Variants in LRRFIP2 observed in about 807,000 individuals in gnomAD.
The protein encoded by LRRFIP2 is leucine-rich repeat flightless-interacting protein 2.
A neutral mutation model predicts 125.9 loss-of-function variants in LRRFIP2; 109 were observed. That is an observed-to-expected ratio of 0.87 (90% CI 0.74 to 1.01). LRRFIP2 has a LOEUF of 1.01. Ranked by LOEUF, LRRFIP2 falls within the 50% of genes least tolerant of loss-of-function variation. LRRFIP2 has a pLI of 0.00. For missense variants in LRRFIP2, 850 were observed against 862.3 expected, an observed-to-expected ratio of 0.99 and a Z score of 0.18; for synonymous variants, 291 against 293.1, an observed-to-expected ratio of 0.99 and a Z score of 0.07.
intron 21 of LRRFIP2, chr3:37,068,054 T>A (rs1456328032): frequency 1.3e-5 from 2 of 152,216 alleles, no homozygotes; most frequent in Non-Finnish European, 2.9e-5. Context: ...ATATGATGTG[T>A]CTCAAGTCTG....
chr3:37,135,013 C>A, intron 2 of LRRFIP2: 1 of 1,515,312 alleles, frequency 6.6e-7, no homozygotes, highest in South Asian at 1.1e-5. Flanking sequence ...CAGATGACCC[C>A]CTAGTGCCAG....
At position 37,058,821 on chromosome 3, in the gene LRRFIP2, A is replaced by G; in HGVS notation, c.1839T>C (p.Asn613=). ...TTTCGATGAACTGCAAGTCTGAGCCATTCTGCAGTCCTGCCAGGTCACCCA... is the reference window on the plus strand; with the variant it reads ...TTTCGATGAACTGCAAGTCTGAGCCGTTCTGCAGTCCTGCCAGGTCACCCA... ...GTVGDLAGLQ[N]GSDLQFIEMQ... Residue 613 remains asparagine, a synonymous_variant, in exon 25 of 28, where the codon AAT becomes AAC. Coordinates refer to ENST00000336686, the MANE Select transcript of LRRFIP2 (RefSeq NM_006309.4). 6.2e-7 allele frequency: 1 copy of G among 1,614,128 alleles called. No individual in the cohort carries two copies. The highest frequency in any genetic ancestry group is 8.5e-7 in the Non-Finnish European group (1 of 1,180,000).
intron 18 of LRRFIP2, among the ~76,000 whole-genome samples, chr3:37,084,591 A>G (rs994194370): frequency 5.3e-5 from 8 of 152,164 alleles, no homozygotes; most frequent in African/African-American, 1.9e-4. Flanking sequence ...GATTGAGCCC[A>G]GGAGGTCAAG....
intron 18 of LRRFIP2, among the ~76,000 whole-genome samples, chr3:37,089,762 ACT>A (rs1273651209): frequency 6.6e-6 from 1 of 151,868 alleles, no homozygotes; most frequent in Non-Finnish European, 1.5e-5. Flanking sequence ...TTCCTGATAC[ACT>A]GTTACACATG....
At chr3:37,165,801 G>GAAAGAAAA (rs796717902) in intron 1 of LRRFIP2, among the ~76,000 whole-genome samples, 14,429 of 69,048 alleles carry the variant, frequency 0.21, 1,428 homozygotes, top group African/African-American at 0.28. Context: ...GAAAGAGAAA[G>GAAAGAAAA]AAAGAAAGAA....
At chr3:37,080,279 C>T (rs1041257819) in intron 19 of LRRFIP2, among the ~76,000 whole-genome samples, 1 of 151,930 alleles carries the variant, frequency 6.6e-6, no homozygotes, top group Admixed American at 6.6e-5. Context: ...GCCTGTAATC[C>T]CAGCTACTCA....
At chr3:37,054,972 A>G in intron 26 of LRRFIP2, 114 bp downstream of exon 26, 1 of 688,614 alleles carries the variant, frequency 1.5e-6, no homozygotes, top group Non-Finnish European at 2.5e-6. Flanking sequence ...TTCTATTTTA[A>G]TACAGAACTA....
intron 25 of LRRFIP2, among the ~76,000 whole-genome samples, chr3:37,055,786 T>C (rs901703314): frequency 6.6e-6 from 1 of 152,158 alleles, no homozygotes; most frequent in Non-Finnish European, 1.5e-5. Context: ...CTACCAACCC[T>C]GTGTGTAACC....
At chr3:37,173,228 A>T (rs1433256746) in intron 1 of LRRFIP2, among the ~76,000 whole-genome samples, 1 of 151,566 alleles carries the variant, frequency 6.6e-6, no homozygotes, top group Non-Finnish European at 1.5e-5. Context: ...TCATTTATTT[A>T]TTCTTGAGAC....
At chr3:37,155,755 T>G (rs1297085320) in intron 1 of LRRFIP2, among the ~76,000 whole-genome samples, 1 of 152,160 alleles carries the variant, frequency 6.6e-6, no homozygotes. Context: ...ATATTTAGGG[T>G]TGAAGTGTAC....
intron 19 of LRRFIP2, among the ~76,000 whole-genome samples, chr3:37,076,635 G>A (rs969969925): frequency 3.9e-5 from 6 of 152,176 alleles, no homozygotes; most frequent in Non-Finnish European, 7.4e-5. Context: ...GGGAGGCCGA[G>A]GTGGGCGGAT....
chr3:37,096,155 T>C (rs565317834), intron 16 of LRRFIP2, among the ~76,000 whole-genome samples: 9 of 152,308 alleles, frequency 5.9e-5, no homozygotes, highest in Admixed American at 2.0e-4. Context: ...ATAAAATTAA[T>C]CTTGATAAAT....
chr3:37,069,927 G>C (rs1268225346), intron 21 of LRRFIP2, among the ~76,000 whole-genome samples: 1 of 152,038 alleles, frequency 6.6e-6, no homozygotes, highest in Non-Finnish European at 1.5e-5. Context: ...GGGAGGGGAA[G>C]GGGAGATTAA....
In LRRFIP2 at chr3:37,066,272, C is replaced by T. The variant is rs751153342; in HGVS notation, c.1518G>A (p.Met506Ile). 7 of 1,614,182 alleles carry T rather than the reference C, an allele frequency of 4.3e-6. No homozygotes were observed. The highest frequency in any genetic ancestry group is 5.9e-6 in the Non-Finnish European group (7 of 1,180,002). Reference protein sequence around the residue: ...YIACLRNERDMLREELADLQE... With the variant: ...YIACLRNERDILREELADLQE... ...GCAGGTCAGCCAGCTCCTCTCTGAG[C>T]ATATCTCGCTCATTCCTAAGGCAGG... The change falls in exon 22 of 28, where the codon ATG becomes ATA. Residue 506 changes from methionine to isoleucine, a missense_variant. Coordinates refer to ENST00000336686, the MANE Select transcript of LRRFIP2 (RefSeq NM_006309.4).
At chr3:37,148,386 T>C (rs1443851536) in intron 2 of LRRFIP2, among the ~76,000 whole-genome samples, 2 of 152,208 alleles carry the variant, frequency 1.3e-5, no homozygotes, top group Non-Finnish European at 2.9e-5. Flanking sequence ...AGGGATTATC[T>C]GGCAAGCCAG....
chr3:37,137,316 C>T (rs2095583276), intron 2 of LRRFIP2, among the ~76,000 whole-genome samples: 1 of 152,052 alleles, frequency 6.6e-6, no homozygotes, highest in South Asian at 2.1e-4. Flanking sequence ...CATTGAAGTA[C>T]AGAAGGGTTA....
intron 21 of LRRFIP2, chr3:37,067,065 T>C (rs1198160327): frequency 6.6e-6 from 1 of 152,308 alleles, no homozygotes; most frequent in East Asian, 1.9e-4. Context: ...TTTTGGGTTC[T>C]GGCACATACT....
chr3:37,169,094 C>T (rs2096549681), intron 1 of LRRFIP2, among the ~76,000 whole-genome samples: 1 of 152,098 alleles, frequency 6.6e-6, no homozygotes, highest in South Asian at 2.1e-4. Flanking sequence ...CAGACTATAC[C>T]ATATAGTCTA....
intron 1 of LRRFIP2, among the ~76,000 whole-genome samples, chr3:37,158,966 AG>A (rs1431573178): frequency 5.9e-5 from 9 of 152,196 alleles, no homozygotes; most frequent in African/African-American, 1.4e-4. Flanking sequence ...ACCAGAGAGA[AG>A]GTACTCTGAA....
Sources: allele counts gnomAD v4.1 joint callset (sites outside exome capture counted in the v4.1 genomes callset), GRCh38; gene constraint gnomAD v4.1.1; transcripts MANE v1.5; gene names NCBI Gene and HGNC (gene_info 2026-07-23, HGNC 2026-07-21).